CCDC171: variants seen among roughly 807,000 people sequenced by gnomAD.
CCDC171 encodes coiled-coil domain containing 171.
CCDC171 carries 177 observed loss-of-function variants against 168.2 expected under a neutral mutation model. The ratio of observed to expected loss-of-function variants is 1.05; its 90% CI spans 0.93 to 1.19. The LOEUF is 1.19. Among genes scored for constraint, CCDC171 ranks in the 50% most tolerant of loss-of-function variants. CCDC171 has a pLI of 0.00. For missense variants in CCDC171, 1,991 were observed against 1,539.0 expected (o/e 1.29, Z -4.91); for synonymous variants, 687 against 540.8 (o/e 1.27, Z -3.75).
At chr9:16,061,670 C>G (rs890381773), downstream of CCDC171, 1 of 152,224 alleles carries the variant, frequency 6.6e-6, no homozygotes, top group Non-Finnish European at 1.5e-5. Context: ...TGAACACTTA[C>G]TGTGTGCAAA....
intron 24 of CCDC171, among the ~76,000 whole-genome samples, chr9:15,890,786 T>G (rs1185086971): frequency 6.6e-6 from 1 of 152,022 alleles, no homozygotes. Context: ...GGTAACAATA[T>G]TTTTTTCAGA....
intron 3 of CCDC171, among the ~76,000 whole-genome samples, chr9:16,007,814 A>G (rs1832751493): frequency 1.3e-5 from 2 of 152,188 alleles, no homozygotes; most frequent in African/African-American, 2.4e-5. Context: ...TAACAGTACC[A>G]TGCTGTTTTG....
intron 21 of CCDC171, among the ~76,000 whole-genome samples, chr9:15,797,319 T>G (rs1299031589): frequency 6.6e-6 from 1 of 152,110 alleles, no homozygotes; most frequent in Non-Finnish European, 1.5e-5. Context: ...TGGGCTCAAC[T>G]AATCCTCCCA....
chr9:15,644,457 G>A lies in CCDC171; in HGVS notation c.823-12670G>A, dbSNP rs1482321774. 3.3e-5 allele frequency among the ~76,000 whole-genome samples: 5 copies of A among 152,118 alleles called. No individual in the cohort carries two copies. In the South Asian group the frequency reaches 6.2e-4, roughly 19 times the overall value. On this transcript the variant is annotated intron_variant, in intron 7 of 25. Coordinates refer to ENST00000380701, the MANE Select transcript of CCDC171 (RefSeq NM_173550.4). ...AGCAGGGTGAGGCATCGTCTCACCC[G>A]GGAAGTGCAAGGGGTCAGGGAATTC...
At chr9:15,578,514 C>T (rs1053414626) in intron 3 of CCDC171, among the ~76,000 whole-genome samples, 5 of 150,606 alleles carry the variant, frequency 3.3e-5, no homozygotes, top group Non-Finnish European at 7.4e-5. Flanking sequence ...AAGTGATCCT[C>T]CTGCCTTGGC....
chr9:15,664,156 G>T (rs2048540182), intron 8 of CCDC171, among the ~76,000 whole-genome samples: 1 of 152,056 alleles, frequency 6.6e-6, no homozygotes, highest in Non-Finnish European at 1.5e-5. Context: ...TTACTTAATG[G>T]GTACAGTGTA....
intron 25 of CCDC171, among the ~76,000 whole-genome samples, chr9:15,950,566 C>G (rs1375270225): frequency 1.3e-5 from 2 of 151,972 alleles, no homozygotes; most frequent in Non-Finnish European, 2.9e-5. Context: ...AACAGACAAG[C>G]AAATGCTGAG....
rs150935601 is a variant in CCDC171, at chr9:15,883,290, C to T, written c.3600+8627C>T. ...GCCCAGACTGGTCTGAAACTCCTGG[C>T]CTCAAGCTATCCTTCCATCTCAGCC... On this transcript the variant is annotated intron_variant, in intron 24 of 25. Coordinates refer to ENST00000380701, the MANE Select transcript of CCDC171 (RefSeq NM_173550.4). The T allele has an allele frequency of 2.6e-3, 401 of 153,674 alleles. 3 individuals carry two copies. The highest frequency in any genetic ancestry group is 4.6e-3 in the Non-Finnish European group (314 of 68,928). 9.5% of individuals were successfully genotyped at this position (153,674 alleles called of 1,614,324 possible). A position where few individuals can be genotyped will look rare whatever the true frequency, so the allele number is the denominator to read the frequency against.
rs1831432577 is a variant in CCDC171, at chr9:15,972,293, C to CT, written c.*459dup. 6.2e-6 allele frequency: 1 copy of CT among 161,172 alleles called. No individual in the cohort carries two copies. Among genetic ancestry groups the CT allele is most frequent in the African/African-American group, 2.4e-5 (1 of 41,542 alleles). The allele number at this position is 161,172 out of a possible 1,614,324, so 10.0% of individuals were successfully genotyped here. On this transcript the variant is annotated 3_prime_UTR_variant, in exon 26 of 26. Transcript: ENST00000380701. ...TGGTTCACTGAGCCCCCTCTTCTCT[C>CT]TTGTCAGCTCAACTGAAGACAAGCA...
At chr9:16,044,957 A>T (rs1173699067) in intron 1 of CCDC171, among the ~76,000 whole-genome samples, 1 of 152,192 alleles carries the variant, frequency 6.6e-6, no homozygotes, top group Non-Finnish European at 1.5e-5. Context: ...ATTCTGCCCA[A>T]TCTGGTCTCT....
At chr9:15,631,322 A>C (rs1230606455) in intron 7 of CCDC171, among the ~76,000 whole-genome samples, 1 of 152,168 alleles carries the variant, frequency 6.6e-6, no homozygotes, top group Non-Finnish European at 1.5e-5. Flanking sequence ...AGATGCAAGA[A>C]AAAATGATAA....
intron 16 of CCDC171, among the ~76,000 whole-genome samples, chr9:15,733,893 A>G (rs1177914054): frequency 6.6e-6 from 1 of 152,038 alleles, no homozygotes; most frequent in Non-Finnish European, 1.5e-5. Flanking sequence ...TCAGCCTCCC[A>G]AGTAGCTGGG....
intron 7 of CCDC171, among the ~76,000 whole-genome samples, chr9:15,653,579 A>G (rs575495679): frequency 6.6e-5 from 10 of 152,334 alleles, no homozygotes; most frequent in African/African-American, 2.4e-4. Context: ...AGAATATTAT[A>G]GTGAACCAAG....
At chr9:15,729,453 T>C (rs1180267345) in intron 15 of CCDC171, among the ~76,000 whole-genome samples, 157 bp from the exon 16 acceptor site, 1 of 152,148 alleles carries the variant, frequency 6.6e-6, no homozygotes, top group Non-Finnish European at 1.5e-5. Flanking sequence ...TGCTATTTTC[T>C]TTTTTTAAAT....
downstream of CCDC171, among the ~76,000 whole-genome samples, chr9:16,062,346 A>G (rs11792610): frequency 0.14 from 21,878 of 152,160 alleles, 1,646 homozygotes; most frequent in Middle Eastern, 0.17. Flanking sequence ...TGGGAGCTAA[A>G]CACTGAGCGC....
chr9:15,999,358 A>G (rs1832469938), intron 3 of CCDC171, among the ~76,000 whole-genome samples: 1 of 142,618 alleles, frequency 7.0e-6, no homozygotes, highest in South Asian at 2.5e-4. Flanking sequence ...AGGAAGGGTG[A>G]GCAAGCAGGG....
chr9:15,677,001 T>G (rs989856121), intron 9 of CCDC171, among the ~76,000 whole-genome samples: 1 of 152,190 alleles, frequency 6.6e-6, no homozygotes, highest in African/African-American at 2.4e-5. Context: ...TAGAATCATT[T>G]TTTGTTCCCA....
intron 25 of CCDC171, among the ~76,000 whole-genome samples, chr9:15,929,265 A>G (rs981019215): frequency 2.6e-5 from 4 of 151,704 alleles, no homozygotes; most frequent in Non-Finnish European, 4.4e-5. Context: ...AATTATTCCT[A>G]TTAGTTTTTC....
chr9:15,839,483 T>C (rs1045188294), intron 21 of CCDC171, among the ~76,000 whole-genome samples: 16 of 152,164 alleles, frequency 1.1e-4, no homozygotes, highest in African/African-American at 3.6e-4. Context: ...TTCCATGACT[T>C]TGGGGAAATA....
Sources: gnomAD v4.1 joint callset for allele counts (sites outside exome capture counted in the v4.1 genomes callset) on GRCh38, gnomAD v4.1.1 for gene constraint, MANE v1.5 for transcripts, NCBI Gene and HGNC (gene_info 2026-07-23, HGNC 2026-07-21) for gene names.